Variants in SOBP observed in about 807,000 individuals in gnomAD.
SOBP encodes sine oculis binding protein homolog.
Under a neutral mutation model 53.6 loss-of-function variants are expected in SOBP, and 4 were observed. That is an observed-to-expected ratio of 0.07 (90% CI 0.04 to 0.17). The LOEUF (loss-of-function observed/expected upper bound fraction) is 0.17, where lower values mean the gene tolerates loss of function less well. SOBP is among the 10% of genes least tolerant of loss of function. The pLI, the probability that SOBP is intolerant of heterozygous loss-of-function variation, is 1.00. For synonymous variants in SOBP, 584 were observed against 522.6 expected (o/e 1.12, Z -1.60); for missense variants, 1,088 against 1,204.7 (o/e 0.90, Z 1.43).
intron 1 of SOBP, among the ~76,000 whole-genome samples, chr6:107,497,080 A>G (rs1307320577): frequency 6.6e-6 from 1 of 152,176 alleles, no homozygotes; most frequent in Non-Finnish European, 1.5e-5. Context: ...ACCTTTCTTT[A>G]TCTCTATTAA....
intron 4 of SOBP, among the ~76,000 whole-genome samples, chr6:107,585,117 T>C (rs1026144631): frequency 2.6e-5 from 4 of 152,212 alleles, no homozygotes; most frequent in African/African-American, 9.6e-5. Flanking sequence ...GAGGTGGCAT[T>C]TTCTACAGAG....
chr6:107,643,583 AT>A (rs1055603344), intron 6 of SOBP, among the ~76,000 whole-genome samples: 19 of 150,612 alleles, frequency 1.3e-4, no homozygotes, highest in Non-Finnish European at 7.4e-5. Context: ...TGTCCAGCTA[AT>A]TTTTTTTTGT....
rs149067329 is a variant in SOBP, at chr6:107,586,814, C to T, written c.574-266C>T. 3.2e-4 allele frequency among the ~76,000 whole-genome samples: 48 copies of T among 152,170 alleles called. No individual in the cohort carries two copies. The East Asian group carries it at 8.5e-3, about 27-fold the overall frequency. ...GAAAAACTAAGGTGGTGGTAATTGCCAACAAAATTATTTGATTTTGGTTTG... is the reference window on the plus strand; with the variant it reads ...GAAAAACTAAGGTGGTGGTAATTGCTAACAAAATTATTTGATTTTGGTTTG... On this transcript the variant is annotated intron_variant, in intron 4 of 6. Coordinates refer to ENST00000317357, the MANE Select transcript of SOBP (RefSeq NM_018013.4).
intron 4 of SOBP, among the ~76,000 whole-genome samples, chr6:107,539,664 C>T (rs1784098034): frequency 6.6e-6 from 1 of 152,180 alleles, no homozygotes; most frequent in African/African-American, 2.4e-5. Context: ...GTTTGGAGTT[C>T]ATAGTCCGAC....
chr6:107,497,091 T>TA (rs1782721277), intron 1 of SOBP, among the ~76,000 whole-genome samples: 1 of 152,200 alleles, frequency 6.6e-6, no homozygotes, highest in Admixed American at 6.5e-5. Context: ...TCTCTATTAA[T>TA]GAGTCCAATG....
intron 6 of SOBP, among the ~76,000 whole-genome samples, chr6:107,640,869 A>G (rs34486558): frequency 0.14 from 21,172 of 152,132 alleles, 1,702 homozygotes; most frequent in South Asian, 0.33. Context: ...GCACCCACTC[A>G]GGGTCATGCT....
chr6:107,529,497 C>T (rs1260943226), intron 3 of SOBP: 35 of 985,278 alleles, frequency 3.6e-5, no homozygotes, highest in Admixed American at 6.1e-5. Flanking sequence ...CAAATACTTT[C>T]GGAATTTCCC....
chr6:107,650,423 G>C (rs1427933519), intron 6 of SOBP, among the ~76,000 whole-genome samples: 1 of 152,198 alleles, frequency 6.6e-6, no homozygotes, highest in Non-Finnish European at 1.5e-5. Flanking sequence ...CAAATGGAAG[G>C]TTTGTGGCAA....
chr6:107,599,390 C>T (rs1476605412), intron 5 of SOBP, among the ~76,000 whole-genome samples: 1 of 152,000 alleles, frequency 6.6e-6, no homozygotes, highest in Non-Finnish European at 1.5e-5. Flanking sequence ...AGTCCGAATC[C>T]GTTTTTTAAA....
chr6:107,551,036 G>A (rs1357791601), intron 4 of SOBP, among the ~76,000 whole-genome samples: 1 of 152,190 alleles, frequency 6.6e-6, no homozygotes, highest in Non-Finnish European at 1.5e-5. Flanking sequence ...GGCACGTGAA[G>A]AGTTTAATAT....
chr6:107,577,118 T>A (rs1785248400), intron 4 of SOBP, among the ~76,000 whole-genome samples: 2 of 152,194 alleles, frequency 1.3e-5, no homozygotes, highest in African/African-American at 4.8e-5. Flanking sequence ...TTTCGCATGT[T>A]TTCTGGTGTC....
At chr6:107,639,013 C>T (rs1326438495) in intron 6 of SOBP, among the ~76,000 whole-genome samples, 2 of 152,150 alleles carry the variant, frequency 1.3e-5, no homozygotes, top group Non-Finnish European at 2.9e-5. Context: ...AGCAATTCTC[C>T]TGCCTCAGCC....
At chr6:107,517,511 A>G (rs1418559860) in intron 3 of SOBP, among the ~76,000 whole-genome samples, 1 of 152,128 alleles carries the variant, frequency 6.6e-6, no homozygotes, top group Non-Finnish European at 1.5e-5. Context: ...ATTTAACACT[A>G]ATTATCTTCC....
intron 3 of SOBP, among the ~76,000 whole-genome samples, chr6:107,516,705 A>C (rs1783331670): frequency 1.3e-5 from 2 of 152,224 alleles, no homozygotes; most frequent in African/African-American, 2.4e-5. Context: ...CTGCAAATCA[A>C]TGATATCTCT....
chr6:107,529,608 T>C, intron 3 of SOBP: 1 of 985,406 alleles, frequency 1.0e-6, no homozygotes, highest in African/African-American at 1.7e-5. Context: ...TGGGCACTGG[T>C]CAGGTAAGTT....
intron 5 of SOBP, among the ~76,000 whole-genome samples, chr6:107,616,561 T>C (rs909138881): frequency 6.6e-6 from 1 of 152,214 alleles, no homozygotes; most frequent in Non-Finnish European, 1.5e-5. Flanking sequence ...GAATCTTACA[T>C]CTTTTTGTAT....
intron 1 of SOBP, among the ~76,000 whole-genome samples, chr6:107,498,237 T>C (rs1782747957): frequency 6.6e-6 from 1 of 152,158 alleles, no homozygotes; most frequent in South Asian, 2.1e-4. Context: ...GAATTATGTT[T>C]ATGGGGAGGG....
chr6:107,591,594 A>G (rs1404916747), intron 5 of SOBP, among the ~76,000 whole-genome samples: 1 of 152,184 alleles, frequency 6.6e-6, no homozygotes, highest in Non-Finnish European at 1.5e-5. Flanking sequence ...GGTGCACTGC[A>G]CCCAGGTTAG....
intron 5 of SOBP, among the ~76,000 whole-genome samples, chr6:107,588,048 C>T (rs1454810960): frequency 6.6e-6 from 1 of 152,174 alleles, no homozygotes; most frequent in East Asian, 1.9e-4. Flanking sequence ...TAAAGCAAAA[C>T]ATTTGCTCCA....
Sources: allele counts gnomAD v4.1 joint callset (sites outside exome capture counted in the v4.1 genomes callset), GRCh38; gene constraint gnomAD v4.1.1; transcripts MANE v1.5; gene names NCBI Gene and HGNC (gene_info 2026-07-23, HGNC 2026-07-21).